MAP1A: variants seen among roughly 807,000 people sequenced by gnomAD.
The protein encoded by MAP1A is microtubule associated protein 1A, also known as microtubule-associated protein 1A.
Under a neutral mutation model 185.9 loss-of-function variants are expected in MAP1A, and 42 were observed. The ratio of observed to expected loss-of-function variants is 0.23; its 90% confidence interval spans 0.18 to 0.29. The LOEUF is 0.29. Ranked by LOEUF, MAP1A falls within the 10% of genes least tolerant of loss-of-function variation. MAP1A has a pLI of 1.00. For synonymous variants in MAP1A, 1,229 were observed against 1,335.9 expected (o/e 0.92, Z 1.74); for missense variants, 2,995 against 3,450.4 (o/e 0.87, Z 3.31).
Position 43,524,722 on chromosome 15 carries a change from T to TA in MAP1A, c.3250dup (p.Thr1084AsnfsTer13), listed in dbSNP as rs1448828825. Reference sequence around the variant, plus strand: ...CACCTGTCAACATTGATGAGGGGCTTACAGGCTGTACCATTCAACTGTTGC... The same window carrying TA: ...CACCTGTCAACATTGATGAGGGGCTTAACAGGCTGTACCATTCAACTGTTGC... On this transcript the variant is annotated frameshift_variant, in exon 4 of 6. Transcript: ENST00000300231. LOFTEE classifies it high-confidence loss of function. The TA allele has an allele frequency of 6.2e-7, 1 of 1,613,942 alleles. No individual in the cohort carries two copies. The highest frequency in any genetic ancestry group is 1.3e-5 in the African/African-American group (1 of 74,870).
rs777844176 is a variant in MAP1A, at chr15:43,525,636, A to G, written c.4163A>G (p.Tyr1388Cys). 1.5e-5 allele frequency: 24 copies of G among 1,614,226 alleles called. No individual in the cohort carries two copies. The Middle Eastern group carries it at 8.2e-4, about 55-fold the overall frequency. ...GTAGAGCCGAAGGATACAGCCATCT[A>G]TCAGAAAGATGAGGCTCTGCATGTA... Reference protein sequence around the residue: ...EVVEPKDTAIYQKDEALHVKN... With the variant: ...EVVEPKDTAICQKDEALHVKN... Residue 1388 changes from tyrosine to cysteine, a missense_variant, in exon 4 of 6, where the codon TAT (tyrosine) becomes TGT (cysteine). Tyr to Cys is a radical substitution (Grantham distance 194). Transcript: ENST00000300231.
chr15:43,524,051 G>A lies in MAP1A; in HGVS notation c.2578G>A (p.Glu860Lys). Residue 860 changes from glutamate to lysine, a missense_variant, in exon 4 of 6, where the codon GAG (glutamate) becomes AAG (lysine). Physicochemically the swap from Glu to Lys is moderately conservative, Grantham distance 56. This residue lies in a region of MAP1A where 2,728 missense variants were observed against 2,986.0 expected (regional missense o/e 0.91). Coordinates refer to ENST00000300231, the MANE Select transcript of MAP1A (RefSeq NM_002373.6). ...SVASLTAPQT[E>K]ETGKSSLLLD... Reference sequence around the variant, plus strand: ...GGCCTCACTTACAGCTCCCCAGACAGAGGAGACAGGCAAGAGCTCCCTGCT... The same window carrying A: ...GGCCTCACTTACAGCTCCCCAGACAAAGGAGACAGGCAAGAGCTCCCTGCT... The A allele has an allele frequency of 6.2e-7, 1 of 1,614,120 alleles. No homozygotes were observed. Among genetic ancestry groups the A allele is most frequent in the Non-Finnish European group, 8.5e-7 (1 of 1,180,034 alleles).
rs775181769 is a variant in MAP1A at position 43,522,471 on chromosome 15, A to G, written c.998A>G (p.Lys333Arg). 2 of 1,614,106 alleles carry G rather than the reference A, an allele frequency of 1.2e-6. No individual in the cohort carries two copies. Among genetic ancestry groups the G allele is most frequent in the Non-Finnish European group, 1.7e-6 (2 of 1,180,000 alleles). Residue 333 changes from lysine (K) to arginine (R), a missense_variant, in exon 4 of 6, where the codon AAG becomes AGG. This residue lies in a region of MAP1A where 264 missense variants were observed against 435.3 expected (regional missense o/e 0.61). Transcript: ENST00000300231. This position sits in a 1 kb window ranked among gnomAD's most constrained non-coding sequence, Gnocchi z 5.9. Reference protein sequence around the residue: ...LKATTKTAVSKLAKREEVVEE... With the variant: ...LKATTKTAVSRLAKREEVVEE... ...GCCACTACCAAGACGGCCGTGAGCA[A>G]GTTGGCCAAACGGGAGGAGGTGGTA...
chr15:43,526,127 G>A lies in MAP1A; in HGVS notation c.4654G>A (p.Glu1552Lys). 6.2e-7 allele frequency: 1 copy of A among 1,614,026 alleles called. No individual in the cohort carries two copies. Among genetic ancestry groups the A allele is most frequent in the Non-Finnish European group, 8.5e-7 (1 of 1,180,032 alleles). The change falls in exon 4 of 6, where the codon GAA becomes AAA. Residue 1552 changes from glutamate (E) to lysine (K), a missense_variant. This residue lies in a region of MAP1A where 2,728 missense variants were observed against 2,986.0 expected (regional missense o/e 0.91). Coordinates refer to ENST00000300231, the MANE Select transcript of MAP1A (RefSeq NM_002373.6). This position sits in a 1 kb window ranked among gnomAD's most constrained non-coding sequence, Gnocchi z 4.7. ...CTCAGAAAAGAAGGATCAGGCCTTA[G>A]AACAAAAATACTGGGCTTTGGGACA... ...KVSEKKDQALEQKYWALGQKD... is the reference protein window; with the variant it reads ...KVSEKKDQALKQKYWALGQKD...
exon 1 of MAP1A, chr15:43,511,043 C>T: frequency 6.5e-7 from 1 of 1,548,908 alleles, no homozygotes; most frequent in Non-Finnish European, 8.7e-7. Flanking sequence ...GGAGACAACT[C>T]CGGGGCTGGG....
Position 43,527,018 on chromosome 15 carries a change from G to T in MAP1A, c.5545G>T (p.Asp1849Tyr). Residue 1849 changes from aspartate (D) to tyrosine (Y), a missense_variant, in exon 4 of 6, where the codon GAC becomes TAC. Physicochemically the swap from Asp to Tyr is radical, Grantham distance 160. This residue lies in a region of MAP1A where 2,728 missense variants were observed against 2,986.0 expected (regional missense o/e 0.91). Coordinates refer to ENST00000300231, the MANE Select transcript of MAP1A (RefSeq NM_002373.6). ...TGACATCCCACCCTGGGTGCCCAAG[G>T]ACAGACCCCTCCCCCCTGCACCCCT... ...LADIPPWVPK[D>Y]RPLPPAPLSP... is the part of the protein sequence containing the mutation. 2 of 1,609,212 alleles carry T rather than the reference G, an allele frequency of 1.2e-6. No individual in the cohort carries two copies. Among genetic ancestry groups the T allele is most frequent in the Non-Finnish European group, 1.7e-6 (2 of 1,177,646 alleles).
chr15:43,527,757 A>G lies in MAP1A; in HGVS notation c.6284A>G (p.Glu2095Gly). ...GATAGGAGGTCCCCATCCCCCAAGG[A>G]ATCAGGCCGGAGTCACTGGGATGAC... ...SPDRRSPSPKESGRSHWDDST... is the reference protein window; with the variant it reads ...SPDRRSPSPKGSGRSHWDDST... The change falls in exon 4 of 6, where the codon GAA becomes GGA. Residue 2095 changes from glutamate to glycine, a missense_variant. Around this residue, in one of 3 missense-constraint regions of MAP1A, gnomAD observed 2,728 missense variants for 2,986.0 expected, o/e 0.91. Coordinates refer to ENST00000300231, the MANE Select transcript of MAP1A (RefSeq NM_002373.6). The G allele has an allele frequency of 6.2e-7, 1 of 1,613,526 alleles. No homozygotes were observed. The highest frequency in any genetic ancestry group is 8.5e-7 in the Non-Finnish European group (1 of 1,179,800).
Position 43,521,543 on chromosome 15 carries a change from C to T in MAP1A, c.70C>T (p.Leu24=). ...GGACGTGCCATCCCCATTTGACCTA[C>T]TAGAGCCCCCCACCTCAGGGGGCTT... ...TVDVPSPFDL[L]EPPTSGGFLK... The change falls in exon 4 of 6, where the codon CTA becomes TTA. Residue 24 remains leucine (L), a synonymous_variant. Transcript: ENST00000300231. The surrounding 1 kb of genome is among the most constrained non-coding windows in gnomAD (Gnocchi z 4.6). The T allele has an allele frequency of 1.2e-6, 2 of 1,614,172 alleles. No individual in the cohort carries two copies. The highest frequency in any genetic ancestry group is 1.7e-6 in the Non-Finnish European group (2 of 1,180,032).
chr15:43,517,608 A>G lies in MAP1A; in HGVS notation c.-467A>G. ...CCCTCCCCCCCCCACCGCCCGCCCC[A>G]CTCCCACCCTAAGTGCTGCAGACTC... On this transcript the variant is annotated 5_prime_UTR_variant, in exon 1 of 6. Coordinates refer to ENST00000300231, the MANE Select transcript of MAP1A (RefSeq NM_002373.6). The G allele has an allele frequency of 6.5e-6, 1 of 154,576 alleles. No individual in the cohort carries two copies. The allele number at this position is 154,576 out of a possible 1,614,324, so 9.6% of individuals were successfully genotyped here.
Position 43,524,380 on chromosome 15 carries a change from C to T in MAP1A, c.2907C>T (p.Ala969=). The change falls in exon 4 of 6, where the codon GCC becomes GCT. Residue 969 remains alanine, a synonymous_variant. Coordinates refer to ENST00000300231, the MANE Select transcript of MAP1A (RefSeq NM_002373.6). ...GTPVFSAPGH[A]LHPGEPALGE... ...CAGTGTTTAGTGCCCCTGGGCATGC[C>T]CTACATCCAGGAGAACCAGCCCTTG... 1 of 1,614,056 alleles carries T rather than the reference C, an allele frequency of 6.2e-7. No homozygotes were observed. Among genetic ancestry groups the T allele is most frequent in the East Asian group, 2.2e-5 (1 of 44,896 alleles).
In MAP1A at chr15:43,527,208, C is replaced by A; in HGVS notation, c.5735C>A (p.Ala1912Asp). The part of the protein sequence containing the change: ...YSPLGKDYRK[A>D]EGEREEEGRA... ...CCCCTGGGGAAGGACTACCGCAAGG[C>A]TGAAGGGGAAAGGGAAGAAGAAGGT... The change falls in exon 4 of 6, where the codon GCT (alanine) becomes GAT (aspartate). Residue 1912 changes from alanine (A) to aspartate (D), a missense_variant. Ala to Asp is a moderately radical substitution (Grantham distance 126). Transcript: ENST00000300231. 1 of 1,614,046 alleles carries A rather than the reference C, an allele frequency of 6.2e-7. No homozygotes were observed. The highest frequency in any genetic ancestry group is 1.1e-5 in the South Asian group (1 of 91,074).
In MAP1A at chr15:43,525,880, G is replaced by A. The variant is rs1693982462; in HGVS notation, c.4407G>A (p.Lys1469=). The A allele has an allele frequency of 6.2e-7, 1 of 1,613,052 alleles. No individual in the cohort carries two copies. Among genetic ancestry groups the A allele is most frequent in the Non-Finnish European group, 8.5e-7 (1 of 1,179,506 alleles). ...ATACAGCCCTGGAACAGAAGGACAA[G>A]GCCCTGGAACCAAAAGATAAAGACT... is the stretch of plus-strand genomic sequence containing the variant. ...QKDTALEQKD[K]ALEPKDKDLE... Residue 1469 remains lysine (K), a synonymous_variant, in exon 4 of 6, where the codon AAG becomes AAA. Coordinates refer to ENST00000300231, the MANE Select transcript of MAP1A (RefSeq NM_002373.6).
chr15:43,516,723 A>G (rs2079298862), upstream of MAP1A, among the ~76,000 whole-genome samples: 1 of 152,226 alleles, frequency 6.6e-6, no homozygotes, highest in Non-Finnish European at 1.5e-5. Flanking sequence ...CAAGAACCCA[A>G]TCACCCTACA....
rs766641147 is a variant in MAP1A, at chr15:43,521,837, G to A, written c.364G>A (p.Asp122Asn). 10 of 1,614,186 alleles carry A rather than the reference G, an allele frequency of 6.2e-6. No individual in the cohort carries two copies. The highest frequency in any genetic ancestry group is 2.7e-5 in the African/African-American group (2 of 75,048). Residue 122 changes from aspartate to asparagine, a missense_variant, in exon 4 of 6, where the codon GAC (aspartate) becomes AAC (asparagine). Asp to Asn is a conservative substitution (Grantham distance 23). Around this residue, in one of 3 missense-constraint regions of MAP1A, gnomAD observed 264 missense variants for 435.3 expected, o/e 0.61. Transcript: ENST00000300231. The surrounding 1 kb of genome is among the most constrained non-coding windows in gnomAD (Gnocchi z 4.6). ...EQSQGSSSYS[D>N]WVKNLISPEL... is the part of the protein sequence containing the mutation. Reference sequence around the variant, plus strand: ...GTCCCAGGGCTCTAGCAGTTACAGCGACTGGGTGAAGAACCTTATCTCTCC... The same window carrying A: ...GTCCCAGGGCTCTAGCAGTTACAGCAACTGGGTGAAGAACCTTATCTCTCC...
Position 43,526,927 on chromosome 15 carries a change from T to C in MAP1A, c.5454T>C (p.Ser1818=), listed in dbSNP as rs1343114813. ...TTCCTTCAGCCCCAGGACAAGAGAG[T>C]CCTATCCCAGACCCTAAGCTCATGC... ...QRVPSAPGQE[S]PIPDPKLMPH... is the part of the protein sequence containing the mutation. Residue 1818 remains serine (S), a synonymous_variant, in exon 4 of 6, where the codon AGT becomes AGC. Transcript: ENST00000300231. The surrounding 1 kb of genome is among the most constrained non-coding windows in gnomAD (Gnocchi z 4.7). The C allele has an allele frequency of 6.2e-7, 1 of 1,613,336 alleles. No individual in the cohort carries two copies. Among genetic ancestry groups the C allele is most frequent in the Admixed American group, 1.7e-5 (1 of 59,956 alleles).
intron 2 of MAP1A, 108 bp from the exon 3 acceptor site, chr15:43,520,864 G>C: frequency 7.5e-7 from 1 of 1,328,698 alleles, no homozygotes; most frequent in Non-Finnish European, 1.0e-6. Context: ...CTCTGGAGGT[G>C]TTATGAGGGA....
At position 43,511,098 on chromosome 15, in the gene MAP1A, T is replaced by C. The variant is rs1284260581; in HGVS notation, c.110T>C (p.Leu37Pro). The C allele has an allele frequency of 5.8e-6, 9 of 1,550,264 alleles. No homozygotes were observed. In the East Asian group the frequency reaches 2.0e-4, roughly 34 times the overall value. Reference sequence around the variant, plus strand: ...CCGCTGGCTCAGAACCCCGCGGAGCTGCTGTGCGAGGCCGGAGCCGCGGTG... The same window carrying C: ...CCGCTGGCTCAGAACCCCGCGGAGCCGCTGTGCGAGGCCGGAGCCGCGGTG... The change falls in exon 1 of 7, where the codon CTG (leucine) becomes CCG (proline). Residue 37 changes from leucine (L) to proline (P), a missense_variant. Leu to Pro is a moderately conservative substitution (Grantham distance 98). Transcript: ENST00000382031.
Position 43,523,577 on chromosome 15 carries a change from C to T in MAP1A, c.2104C>T (p.Arg702Trp), listed in dbSNP as rs527935290. Residue 702 changes from arginine to tryptophan, a missense_variant, in exon 4 of 6, where the codon CGG becomes TGG. Coordinates refer to ENST00000300231, the MANE Select transcript of MAP1A (RefSeq NM_002373.6). The stretch of plus-strand genomic sequence containing the variant: ...AAGGAGCCGGGAGGCTTTTGGGGGT[C>T]GGGAATTGGGACTCCAGGGCAAGGC... ...TPRSREAFGGRELGLQGKAPE... is the reference protein window; with the variant it reads ...TPRSREAFGGWELGLQGKAPE... 39 of 1,614,060 alleles carry T rather than the reference C, an allele frequency of 2.4e-5. 1 individual carries two copies. In the South Asian group the frequency reaches 3.6e-4, roughly 15 times the overall value.
chr15:43,525,310 C>A lies in MAP1A; in HGVS notation c.3837C>A (p.Ile1279=). ...CTCGATACTCTGCACAGACAGACAT[C>A]ACAGATGACAGCCTTGACAGGAAGT... is the stretch of plus-strand genomic sequence containing the variant. ...GTTRYSAQTD[I]TDDSLDRKSP... The change falls in exon 4 of 6, where the codon ATC becomes ATA. Residue 1279 remains isoleucine, a synonymous_variant. Transcript: ENST00000300231. The A allele has an allele frequency of 6.2e-7, 1 of 1,614,174 alleles. No individual in the cohort carries two copies. Among genetic ancestry groups the A allele is most frequent in the Non-Finnish European group, 8.5e-7 (1 of 1,180,030 alleles).
Sources: allele counts gnomAD v4.1 joint callset (sites outside exome capture counted in the v4.1 genomes callset), GRCh38; gene constraint gnomAD v4.1.1; regional missense constraint gnomAD v4.1.1; non-coding constraint Gnocchi (gnomAD v3.1); transcripts MANE v1.5; gene names NCBI Gene and HGNC (gene_info 2026-07-23, HGNC 2026-07-21).